Variants in KCNIP2 observed in about 807,000 individuals in gnomAD.
KCNIP2 encodes potassium voltage-gated channel interacting protein 2, also known as A-type potassium channel modulatory protein KCNIP2.
In KCNIP2, 19 loss-of-function variants were observed where a neutral mutation model predicts 39.0. That is an observed-to-expected ratio of 0.49 (90% CI 0.34 to 0.71). The LOEUF is 0.71. Among genes scored for constraint, KCNIP2 ranks in the 30% least tolerant of loss-of-function variants. The pLI, the probability that KCNIP2 is intolerant of heterozygous loss-of-function variation, is 0.01. For synonymous variants in KCNIP2, 111 were observed against 131.2 expected (o/e 0.85, Z 1.05); for missense variants, 261 against 346.0 (o/e 0.75, Z 1.95).
In KCNIP2 at chr10:101,843,520, C is replaced by T; in HGVS notation, c.49G>A (p.Asp17Asn). The T allele has an allele frequency of 6.3e-7, 1 of 1,582,486 alleles. No individual in the cohort carries two copies. The highest frequency in any genetic ancestry group is 8.6e-7 in the Non-Finnish European group (1 of 1,165,892). The change falls in exon 1 of 10, where the codon GAC becomes AAC. Residue 17 changes from aspartate to asparagine, a missense_variant. Asp to Asn is a conservative substitution (Grantham distance 23). Transcript: ENST00000356640. This position sits in a 1 kb window ranked among gnomAD's most constrained non-coding sequence, Gnocchi z 6.7. ...KESLSDSRDL[D>N]GSYDQLTGHP... Reference sequence around the variant, plus strand: ...CCCGTGAGCTGGTCGTAGGAGCCGTCCAGGTCTCGGGAATCGGACAAACTC... The same window carrying T: ...CCCGTGAGCTGGTCGTAGGAGCCGTTCAGGTCTCGGGAATCGGACAAACTC...
intron 1 of KCNIP2, chr10:101,839,902 GCC>G (rs1161675970): frequency 1.1e-5 from 17 of 1,496,702 alleles, no homozygotes; most frequent in Non-Finnish European, 1.4e-5. Context: ...TCCGGTCTCC[GCC>G]CTCACCCGGG....
At chr10:101,832,813 G>C (rs1305501145) in intron 1 of KCNIP2, among the ~76,000 whole-genome samples, 1 of 152,068 alleles carries the variant, frequency 6.6e-6, no homozygotes, top group Non-Finnish European at 1.5e-5. Context: ...CTAAAGGTGA[G>C]AACAGAATGG....
At chr10:101,841,117 C>T (rs1198540325) in intron 1 of KCNIP2, among the ~76,000 whole-genome samples, 2 of 152,088 alleles carry the variant, frequency 1.3e-5, no homozygotes, top group Non-Finnish European at 2.9e-5. Context: ...GTTTTGTTTT[C>T]CTAAAGAGTC....
At chr10:101,837,494 C>T (rs1402610419) in intron 1 of KCNIP2, among the ~76,000 whole-genome samples, 1 of 152,044 alleles carries the variant, frequency 6.6e-6, no homozygotes, top group Non-Finnish European at 1.5e-5. Context: ...CATGGTGAAA[C>T]CCCGTCTCTA....
chr10:101,826,800 T>C lies in KCNIP2; in HGVS notation c.*553A>G, dbSNP rs1281326111. ...ATAACCTGGTATGCCTGAGCAATCA[T>C]AATCTGTCCAGGCCCTTCTATTCTC... On this transcript the variant is annotated 3_prime_UTR_variant, in exon 10 of 10. Coordinates refer to ENST00000356640, the MANE Select transcript of KCNIP2 (RefSeq NM_173191.3). The C allele has an allele frequency of 1.3e-5, 2 of 152,410 alleles. No individual in the cohort carries two copies. Among genetic ancestry groups the C allele is most frequent in the Non-Finnish European group, 2.9e-5 (2 of 68,174 alleles). The allele number at this position is 152,410 out of a possible 1,614,324, so 9.4% of individuals were successfully genotyped here.
At position 101,829,883 on chromosome 10, in the gene KCNIP2, C is replaced by G. The variant is rs759534660; in HGVS notation, c.184G>C (p.Ala62Pro). ...PSVSETLAAP[A>P]SLRPHRPRLL... ...CGGGGTCTGTGGGGGCGGAGGGAGGCTGGGGCGGCTAATGCTGAAGGGAGC... is the reference window on the plus strand; with the variant it reads ...CGGGGTCTGTGGGGGCGGAGGGAGGGTGGGGCGGCTAATGCTGAAGGGAGC... The change falls in exon 3 of 10, where the codon GCC (alanine) becomes CCC (proline). Residue 62 changes from alanine (A) to proline (P), a missense_variant. Ala to Pro is a conservative substitution (Grantham distance 27). Coordinates refer to ENST00000356640, the MANE Select transcript of KCNIP2 (RefSeq NM_173191.3). The G allele has an allele frequency of 1.3e-6, 2 of 1,515,740 alleles. No individual in the cohort carries two copies. Among genetic ancestry groups the G allele is most frequent in the South Asian group, 2.5e-5 (2 of 79,694 alleles). The allele number at this position is 1,515,740 out of a possible 1,614,324, so 93.9% of individuals were successfully genotyped here.
At chr10:101,830,352 A>G in intron 2 of KCNIP2, 1 of 1,227,848 alleles carries the variant, frequency 8.1e-7, no homozygotes, top group Non-Finnish European at 1.1e-6. Context: ...CTGTCGGGGC[A>G]TAGGCAACAC....
rs2065863275 is a variant in KCNIP2, at chr10:101,829,060, T to C, written c.348+15A>G. 3.1e-6 allele frequency: 5 copies of C among 1,611,182 alleles called. No individual in the cohort carries two copies. The highest frequency in any genetic ancestry group is 4.2e-6 in the Non-Finnish European group (5 of 1,178,212). Reference sequence around the variant, plus strand: ...TGTCCCACCCTCGCTGAGTTTGGCCTCGCCTTGCACTCACGTTCTTGAAGC... The same window carrying C: ...TGTCCCACCCTCGCTGAGTTTGGCCCCGCCTTGCACTCACGTTCTTGAAGC... On this transcript the variant is annotated intron_variant, in intron 4 of 9. Coordinates refer to ENST00000356640, the MANE Select transcript of KCNIP2 (RefSeq NM_173191.3).
intron 1 of KCNIP2, chr10:101,834,503 A>G: frequency 2.5e-6 from 1 of 397,316 alleles, no homozygotes; most frequent in Non-Finnish European, 4.4e-6. Flanking sequence ...CCCTCCCAGG[A>G]TCTCCTTCCT....
chr10:101,839,879 G>A, intron 1 of KCNIP2: 1 of 1,544,258 alleles, frequency 6.5e-7, no homozygotes, highest in Non-Finnish European at 8.7e-7. Flanking sequence ...TCCACCCCCA[G>A]GCCCCGGGGC....
At chr10:101,829,718 A>ACACCC in intron 3 of KCNIP2, 126 bp downstream of exon 3, 1 of 111,666 alleles carries the variant, frequency 9.0e-6, no homozygotes, top group South Asian at 1.8e-4. Flanking sequence ...CTCCATCCAG[A>ACACCC]CCCCACCCCC....
chr10:101,827,227 T>C lies in KCNIP2; in HGVS notation c.*126A>G. On this transcript the variant is annotated 3_prime_UTR_variant, in exon 10 of 10. Coordinates refer to ENST00000356640, the MANE Select transcript of KCNIP2 (RefSeq NM_173191.3). ...TCTGGACTACTGAATCCCCAAGCTCTTGGATCCCTCCAGCCCCCAGGGAGG... is the reference window on the plus strand; with the variant it reads ...TCTGGACTACTGAATCCCCAAGCTCCTGGATCCCTCCAGCCCCCAGGGAGG... 7.2e-7 allele frequency: 1 copy of C among 1,385,720 alleles called. No individual in the cohort carries two copies. The highest frequency in any genetic ancestry group is 9.4e-7 in the Non-Finnish European group (1 of 1,066,970). 85.8% of individuals were successfully genotyped at this position (1,385,720 alleles called of 1,614,324 possible). A position where few individuals can be genotyped will look rare whatever the true frequency, so the allele number is the denominator to read the frequency against.
chr10:101,838,503 AGGCCAAAGACACTGCAGCCCCCAGCTG>A lies in KCNIP2; in HGVS notation c.73+4966_73+4992del, dbSNP rs1355717657. Reference sequence around the variant, plus strand: ...CCCCAGACCCACACCATTCCCAGCTAGGCCAAAGACACTGCAGCCCCCAGCTGCATCGAGTGATTAATGACCTCCCTA... The same window carrying A: ...CCCCAGACCCACACCATTCCCAGCTACATCGAGTGATTAATGACCTCCCTA... On this transcript the variant is annotated intron_variant, in intron 1 of 9. Transcript: ENST00000356640. This position sits in a 1 kb window ranked among gnomAD's most constrained non-coding sequence, Gnocchi z 4.0. Among the ~76,000 whole-genome samples, 16 of 151,652 alleles carry A rather than the reference AGGCCAAAGACACTGCAGCCCCCAGCTG, an allele frequency of 1.1e-4. No homozygotes were observed. Among genetic ancestry groups the A allele is most frequent in the African/African-American group, 3.6e-4 (15 of 41,310 alleles).
At chr10:101,834,585 C>G (rs2066093803) in intron 1 of KCNIP2, among the ~76,000 whole-genome samples, 1 of 152,228 alleles carries the variant, frequency 6.6e-6, no homozygotes, top group Non-Finnish European at 1.5e-5. Flanking sequence ...TTCGCAGGGC[C>G]ACCTCAGCCT....
chr10:101,830,695 AC>A (rs1289416957), intron 2 of KCNIP2, among the ~76,000 whole-genome samples: 23 of 151,092 alleles, frequency 1.5e-4, no homozygotes, highest in Admixed American at 1.4e-3. Flanking sequence ...ACACACACAC[AC>A]ACACACACAC....
At position 101,836,456 on chromosome 10, in the gene KCNIP2, G is replaced by A. The variant is rs993664309; in HGVS notation, c.74-5289C>T. On this transcript the variant is annotated intron_variant, in intron 1 of 9. Transcript: ENST00000356640. ...TTGTCATGCTGGCCAGGCTGGTCTC[G>A]AACTCCTGGCCTGAAGTGATCTGCC... is the stretch of plus-strand genomic sequence containing the variant. Among the ~76,000 whole-genome samples the A allele has an allele frequency of 5.3e-5, 8 of 152,010 alleles. No homozygotes were observed. In the South Asian group the frequency reaches 1.0e-3, roughly 20 times the overall value.
In KCNIP2 at chr10:101,843,399, G is replaced by T; in HGVS notation, c.73+97C>A. The T allele has an allele frequency of 1.4e-6, 1 of 720,180 alleles. No homozygotes were observed. The highest frequency in any genetic ancestry group is 2.0e-6 in the Non-Finnish European group (1 of 487,904). The allele number at this position is 720,180 out of a possible 1,614,324, so 44.6% of individuals were successfully genotyped here. A position where few individuals can be genotyped will look rare whatever the true frequency, so the allele number is the denominator to read the frequency against. ...CATAAGAGTGCCTGGGAATGGGGCAGAGTGTGGGTGCGGGCCAGGCCGGGG... is the reference window on the plus strand; with the variant it reads ...CATAAGAGTGCCTGGGAATGGGGCATAGTGTGGGTGCGGGCCAGGCCGGGG... On this transcript the variant is annotated intron_variant, in intron 1 of 9. Transcript: ENST00000356640. The surrounding 1 kb of genome is among the most constrained non-coding windows in gnomAD (Gnocchi z 6.7).
chr10:101,833,882 G>A (rs771302148), intron 1 of KCNIP2, among the ~76,000 whole-genome samples: 3 of 151,830 alleles, frequency 2.0e-5, no homozygotes, highest in East Asian at 1.9e-4. Context: ...CCAGAAATCC[G>A]TTGTTATCTC....
intron 1 of KCNIP2, among the ~76,000 whole-genome samples, chr10:101,841,306 A>AG (rs1421567147): frequency 6.6e-6 from 1 of 152,200 alleles, no homozygotes; most frequent in Non-Finnish European, 1.5e-5. Context: ...AGGGAAGGGG[A>AG]GGCGAAGCCT....
Sources: gnomAD v4.1 joint callset for allele counts (sites outside exome capture counted in the v4.1 genomes callset) on GRCh38, gnomAD v4.1.1 for gene constraint, Gnocchi (gnomAD v3.1) non-coding constraint, MANE v1.5 for transcripts, NCBI Gene and HGNC (gene_info 2026-07-23, HGNC 2026-07-21) for gene names.